The following PCDHA6 variants were observed in gnomAD, a reference collection of about 807,000 sequenced individuals.
PCDHA6 encodes protocadherin alpha-6.
In PCDHA6, 55 loss-of-function variants were observed where a neutral mutation model predicts 60.3. The observed-to-expected ratio is 0.91, with a 90% CI of 0.73 to 1.14. PCDHA6 has a LOEUF of 1.14. Among genes scored for constraint, PCDHA6 ranks in the 50% most tolerant of loss-of-function variants. The pLI, the probability that PCDHA6 is intolerant of heterozygous loss-of-function variation, is 0.00. For synonymous variants in PCDHA6, 652 were observed against 557.9 expected (o/e 1.17, Z -2.38); for missense variants, 1,327 against 1,256.5 (o/e 1.06, Z -0.85).
At chr5:140,969,224 T>A (rs782172299) in intron 1 of PCDHA6, 1 of 1,614,100 alleles carries the variant, frequency 6.2e-7, no homozygotes, top group East Asian at 2.2e-5. Context: ...ACCAGGGCCT[T>A]CGGGAGCCCA....
intron 1 of PCDHA6, among the ~76,000 whole-genome samples, chr5:140,904,951 T>C (rs1468765932): frequency 6.6e-6 from 1 of 152,188 alleles, no homozygotes; most frequent in Non-Finnish European, 1.5e-5. Context: ...GTCCTTTGTC[T>C]GATGCAGAAT....
chr5:140,938,926 T>C (rs149516801), intron 1 of PCDHA6, among the ~76,000 whole-genome samples: 9 of 152,172 alleles, frequency 5.9e-5, no homozygotes, highest in Non-Finnish European at 1.2e-4. Context: ...AGAAATTGGC[T>C]TTTAACTTTC....
At chr5:140,975,847 C>T (rs895067113) in intron 1 of PCDHA6, among the ~76,000 whole-genome samples, 1 of 152,100 alleles carries the variant, frequency 6.6e-6, no homozygotes, top group East Asian at 1.9e-4. Flanking sequence ...TTCAGTAATA[C>T]TACATCACCC....
At position 140,970,818 on chromosome 5, in the gene PCDHA6, G is replaced by A. The variant is rs77234853; in HGVS notation, c.2395-8131G>A. Among the ~76,000 whole-genome samples, 569 of 152,084 alleles carry A rather than the reference G, an allele frequency of 3.7e-3. 1 individual carries two copies. The highest frequency in any genetic ancestry group is 5.8e-3 in the South Asian group (28 of 4,824). On this transcript the variant is annotated intron_variant, in intron 1 of 3. Coordinates refer to ENST00000529310, the MANE Select transcript of PCDHA6 (RefSeq NM_018909.4). ...CATATTGTTACATTTCAAGTTCATGGTAATCTTGAGGAATGTAATGCACAG... is the reference window on the plus strand; with the variant it reads ...CATATTGTTACATTTCAAGTTCATGATAATCTTGAGGAATGTAATGCACAG...
chr5:140,869,476 G>T (rs530490517), intron 1 of PCDHA6: 1 of 1,614,194 alleles, frequency 6.2e-7, no homozygotes, highest in African/African-American at 1.3e-5. Flanking sequence ...GGAGGTGAAG[G>T]ACATTAACGA....
chr5:140,871,082 C>T, intron 1 of PCDHA6: 1 of 1,613,246 alleles, frequency 6.2e-7, no homozygotes, highest in Non-Finnish European at 8.5e-7. Context: ...GCGCTGACGG[C>T]CACGGCCACC....
At chr5:141,005,304 A>G (rs2098205361) in intron 3 of PCDHA6, among the ~76,000 whole-genome samples, 1 of 152,200 alleles carries the variant, frequency 6.6e-6, no homozygotes, top group Non-Finnish European at 1.5e-5. Context: ...GCCTTTGTGA[A>G]TCTTACAGTG....
chr5:140,831,281 C>T (rs1312764536), intron 1 of PCDHA6: 1 of 152,158 alleles, frequency 6.6e-6, no homozygotes, highest in Admixed American at 6.6e-5. Context: ...ATGGTCTTCT[C>T]TTCATGGAGT....
chr5:140,835,834 C>G, intron 1 of PCDHA6: 2 of 1,612,284 alleles, frequency 1.2e-6, no homozygotes, highest in Non-Finnish European at 1.7e-6. Flanking sequence ...GACGCGGACG[C>G]GCAGAAGAAC....
intron 1 of PCDHA6, among the ~76,000 whole-genome samples, chr5:140,875,039 A>AT: frequency 3.9e-5 from 6 of 152,348 alleles, no homozygotes; most frequent in Admixed American, 3.9e-4. Context: ...TATTTGAAAG[A>AT]TTTCTACTTT....
chr5:140,912,851 A>C lies in PCDHA6; in HGVS notation c.2395-66098A>C, dbSNP rs564747882. ...TTTTATTAAATGCTTTTTCAGCATCAATTGAAATGATATATGGTTTTTGGT... is the reference window on the plus strand; with the variant it reads ...TTTTATTAAATGCTTTTTCAGCATCCATTGAAATGATATATGGTTTTTGGT... On this transcript the variant is annotated intron_variant, in intron 1 of 3. Coordinates refer to ENST00000529310, the MANE Select transcript of PCDHA6 (RefSeq NM_018909.4). Among the ~76,000 whole-genome samples, 3 of 152,328 alleles carry C rather than the reference A, an allele frequency of 2.0e-5. No individual in the cohort carries two copies. The South Asian group carries it at 6.2e-4, about 32-fold the overall frequency.
chr5:140,993,460 T>TCACACACA (rs1554253699), intron 3 of PCDHA6, among the ~76,000 whole-genome samples: 14 of 104,506 alleles, frequency 1.3e-4, no homozygotes, highest in African/African-American at 2.4e-4. Flanking sequence ...CTTCTTTCTT[T>TCACACACA]CTCACACACA....
chr5:140,883,851 T>C, intron 1 of PCDHA6: 1 of 1,612,946 alleles, frequency 6.2e-7, no homozygotes, highest in African/African-American at 1.3e-5. Context: ...CACGAGGAGC[T>C]GGAGCTGTTG....
At chr5:140,933,501 G>A (rs1320553451) in intron 1 of PCDHA6, among the ~76,000 whole-genome samples, 2 of 151,978 alleles carry the variant, frequency 1.3e-5, no homozygotes, top group Non-Finnish European at 2.9e-5. Flanking sequence ...GAATTGTTAA[G>A]CAAAGACTAC....
At position 140,828,223 on chromosome 5, in the gene PCDHA6, C is replaced by A. The variant is rs1417761655; in HGVS notation, c.132C>A (p.Phe44Leu). 2 of 1,613,878 alleles carry A rather than the reference C, an allele frequency of 1.2e-6. No individual in the cohort carries two copies. The highest frequency in any genetic ancestry group is 2.7e-5 in the African/African-American group (2 of 74,952). The change falls in exon 1 of 4, where the codon TTC becomes TTA. Residue 44 changes from phenylalanine to leucine, a missense_variant. Physicochemically the swap from Phe to Leu is conservative, Grantham distance 22. Coordinates refer to ENST00000529310, the MANE Select transcript of PCDHA6 (RefSeq NM_018909.4). ...CCGAGGAGGCCAAACACGGCACCTT[C>A]GTGGGCCGGATCGCGCAGGACCTGG... ...SVPEEAKHGT[F>L]VGRIAQDLGL...
At chr5:140,839,269 T>TA (rs1554137370) in intron 1 of PCDHA6, among the ~76,000 whole-genome samples, 3 of 152,098 alleles carry the variant, frequency 2.0e-5, no homozygotes, top group African/African-American at 7.2e-5. Flanking sequence ...CATGTATATT[T>TA]AAAACCTTCC....
chr5:140,941,185 CT>C (rs782102770), intron 1 of PCDHA6, among the ~76,000 whole-genome samples: 20 of 102,174 alleles, frequency 2.0e-4, no homozygotes, highest in Admixed American at 7.9e-4. Context: ...CATCCTGCTT[CT>C]TTTTTTTTCT....
At chr5:140,969,766 C>A (rs1384743731) in intron 1 of PCDHA6, among the ~76,000 whole-genome samples, 2 of 152,130 alleles carry the variant, frequency 1.3e-5, no homozygotes, top group Non-Finnish European at 1.5e-5. Context: ...AGCTCTGAGG[C>A]CTCTAGGGGC....
chr5:140,949,172 A>G (rs574592967), intron 1 of PCDHA6, among the ~76,000 whole-genome samples: 3 of 151,856 alleles, frequency 2.0e-5, no homozygotes, highest in African/African-American at 7.2e-5. Context: ...TCTTTTGGTC[A>G]GAGAACATAC....
Sources: allele counts gnomAD v4.1 joint callset (sites outside exome capture counted in the v4.1 genomes callset), GRCh38; gene constraint gnomAD v4.1.1; transcripts MANE v1.5; gene names NCBI Gene and HGNC (gene_info 2026-07-23, HGNC 2026-07-21).